HEATR5B: variants seen among roughly 807,000 people sequenced by gnomAD.
HEATR5B encodes HEAT repeat-containing protein 5B.
HEATR5B carries 156 observed loss-of-function variants against 224.1 expected under a neutral mutation model. The ratio of observed to expected loss-of-function variants is 0.70; its 90% CI spans 0.61 to 0.80. The LOEUF is 0.80. Ranked by LOEUF, HEATR5B falls within the 30% of genes least tolerant of loss-of-function variation. The pLI is 0.00. For missense variants in HEATR5B, 2,323 were observed against 2,535.5 expected (o/e 0.92, Z 1.80); for synonymous variants, 1,027 against 893.0 (o/e 1.15, Z -2.68).
intron 35 of HEATR5B, among the ~76,000 whole-genome samples, chr2:36,984,215 A>AAAAAAAAAAAAAAAAATAT: frequency 1.3e-5 from 1 of 77,642 alleles, no homozygotes. Flanking sequence ...AAAAAAAAAA[A>AAAAAAAAAAAAAAAAATAT]ATATATATAT....
rs767455861 is a variant in HEATR5B at position 37,040,409 on chromosome 2, G to A, written c.2966C>T (p.Pro989Leu). ...CTGATGAACTTCTGTATGTGAAGGCGGAACTGTCAACAGCAAGGTAAGAAC... is the reference window on the plus strand; with the variant it reads ...CTGATGAACTTCTGTATGTGAAGGCAGAACTGTCAACAGCAAGGTAAGAAC... ...SLVLTLLLTV[P>L]PSHTEVHQCL... The change falls in exon 20 of 36, where the codon CCG (proline) becomes CTG (leucine). Residue 989 changes from proline (P) to leucine (L), a missense_variant. Transcript: ENST00000233099. 6.8e-6 allele frequency: 11 copies of A among 1,613,908 alleles called. No individual in the cohort carries two copies. The highest frequency in any genetic ancestry group is 2.2e-5 in the South Asian group (2 of 91,042).
intron 29 of HEATR5B, among the ~76,000 whole-genome samples, 157 bp from the exon 30 acceptor site, chr2:37,005,916 G>A (rs1207842221): frequency 6.8e-6 from 1 of 147,082 alleles, no homozygotes; most frequent in Non-Finnish European, 1.5e-5. Flanking sequence ...AAGTTAAACA[G>A]CCAAACTCAA....
chr2:36,982,301 G>A (rs1286324505), intron 35 of HEATR5B, among the ~76,000 whole-genome samples: 2 of 151,976 alleles, frequency 1.3e-5, no homozygotes, highest in Non-Finnish European at 2.9e-5. Flanking sequence ...AAAACTAAGG[G>A]AATACATAAG....
At chr2:37,050,422 C>T (rs1477787877) in intron 17 of HEATR5B, among the ~76,000 whole-genome samples, 3 of 152,130 alleles carry the variant, frequency 2.0e-5, no homozygotes, top group African/African-American at 7.2e-5. Flanking sequence ...TATTCAAAGA[C>T]TAGTACTTAA....
intron 21 of HEATR5B, 122 bp downstream of exon 21, chr2:37,037,733 T>G: frequency 2.0e-6 from 1 of 492,832 alleles, no homozygotes; most frequent in Non-Finnish European, 3.4e-6. Flanking sequence ...ACTGTAGGCT[T>G]GCATCAAAAT....
chr2:37,083,441 A>T lies in HEATR5B; in HGVS notation c.-22-5T>A. ...ACGGAAGTTTGAAATTCACACCTTA[A>T]ATTTAACAGAGTAAAAAATACTTGT... On this transcript the variant is annotated splice_region_variant and splice_polypyrimidine_tract_variant and intron_variant, in intron 1 of 35. Transcript: ENST00000233099. The T allele has an allele frequency of 6.3e-7, 1 of 1,590,486 alleles. No individual in the cohort carries two copies. Among genetic ancestry groups the T allele is most frequent in the South Asian group, 1.1e-5 (1 of 89,482 alleles).
At chr2:37,033,236 G>T (rs1669251706) in intron 21 of HEATR5B, among the ~76,000 whole-genome samples, 1 of 152,010 alleles carries the variant, frequency 6.6e-6, no homozygotes, top group African/African-American at 2.4e-5. Context: ...AACAACCTCA[G>T]TTGTTTAAAA....
At chr2:37,058,089 A>C (rs1671026739) in intron 14 of HEATR5B, among the ~76,000 whole-genome samples, 1 of 152,212 alleles carries the variant, frequency 6.6e-6, no homozygotes, top group South Asian at 2.1e-4. Context: ...GTATTAATCA[A>C]AAGTGCACAC....
intron 35 of HEATR5B, among the ~76,000 whole-genome samples, chr2:36,987,166 C>G (rs890031354): frequency 6.6e-6 from 1 of 152,140 alleles, no homozygotes; most frequent in African/African-American, 2.4e-5. Context: ...CAGCGGCTCA[C>G]GCTTGTAATC....
chr2:37,078,789 T>A (rs1248198700), intron 3 of HEATR5B, among the ~76,000 whole-genome samples: 1 of 152,198 alleles, frequency 6.6e-6, no homozygotes. Flanking sequence ...TCTTCTCAAA[T>A]ATACTACTCC....
chr2:37,074,321 C>CA (rs200217812), intron 5 of HEATR5B, among the ~76,000 whole-genome samples: 569 of 50,092 alleles, frequency 0.011, 1 homozygote, highest in South Asian at 0.019. Context: ...GACTCCATCT[C>CA]AAAAAAAAAA....
intron 35 of HEATR5B, among the ~76,000 whole-genome samples, chr2:36,988,411 C>T (rs1017683560): frequency 2.0e-5 from 3 of 151,806 alleles, no homozygotes; most frequent in East Asian, 1.9e-4. Flanking sequence ...AGCAGGTGTG[C>T]GCCACACACC....
intron 18 of HEATR5B, among the ~76,000 whole-genome samples, chr2:37,045,833 CTTTG>C (rs1362667685): frequency 6.6e-6 from 1 of 152,166 alleles, no homozygotes; most frequent in Admixed American, 6.5e-5. Flanking sequence ...TTAGTGTTCC[CTTTG>C]TTTCTTTCCC....
rs1450353981 is a variant in HEATR5B, at chr2:37,028,890, G to C, written c.3392C>G (p.Ser1131Cys). The change falls in exon 23 of 36, where the codon TCT (serine) becomes TGT (cysteine). Residue 1131 changes from serine to cysteine, a missense_variant. By Grantham distance (112) the Ser-to-Cys change is moderately radical. This residue lies in a region of HEATR5B where 339 missense variants were observed against 378.4 expected (regional missense o/e 0.90). Coordinates refer to ENST00000233099, the MANE Select transcript of HEATR5B (RefSeq NM_019024.3). The part of the protein sequence containing the change: ...NVSPFAPGVS[S>C]RTDIHCRHQG... Reference sequence around the variant, plus strand: ...GTGCCGGCAATGGATATCAGTTCGAGAACTAACCCCAGGGGCAAAAGGACT... The same window carrying C: ...GTGCCGGCAATGGATATCAGTTCGACAACTAACCCCAGGGGCAAAAGGACT... The C allele has an allele frequency of 6.2e-7, 1 of 1,613,932 alleles. No individual in the cohort carries two copies. Among genetic ancestry groups the C allele is most frequent in the Middle Eastern group, 1.7e-4 (1 of 6,060 alleles).
At chr2:37,013,116 C>T (rs138535459) in intron 27 of HEATR5B, among the ~76,000 whole-genome samples, 5 of 152,278 alleles carry the variant, frequency 3.3e-5, no homozygotes, top group East Asian at 3.9e-4. Context: ...CTTAGATTAG[C>T]GGAAAAGCTT....
chr2:37,038,904 G>A (rs938016429), intron 20 of HEATR5B, among the ~76,000 whole-genome samples: 7 of 123,108 alleles, frequency 5.7e-5, no homozygotes, highest in African/African-American at 2.1e-4. Context: ...TGTCTCCCTG[G>A]GGTGGGGGGG....
In HEATR5B at chr2:37,079,160, T is replaced by C; in HGVS notation, c.298A>G (p.Arg100Gly). The change falls in exon 3 of 36, where the codon AGA (arginine) becomes GGA (glycine). Residue 100 changes from arginine (R) to glycine (G), a missense_variant. Around this residue, in one of 12 missense-constraint regions of HEATR5B, gnomAD observed 292 missense variants for 332.6 expected, o/e 0.88. Transcript: ENST00000233099. Reference protein sequence around the residue: ...QTLDKCNDIIRNKDDTAAYLP... With the variant: ...QTLDKCNDIIGNKDDTAAYLP... ...TAGGCCGCAGTGTCATCTTTATTTC[T>C]GATAATGTCATTGCATTTATCAAGT... is the stretch of plus-strand genomic sequence containing the variant. 6.2e-7 allele frequency: 1 copy of C among 1,609,904 alleles called. No homozygotes were observed. The highest frequency in any genetic ancestry group is 8.5e-7 in the Non-Finnish European group (1 of 1,176,960).
At position 37,008,537 on chromosome 2, in the gene HEATR5B, G is replaced by C. The variant is rs765661448; in HGVS notation, c.4522+74C>G. 87 of 1,013,194 alleles carry C rather than the reference G, an allele frequency of 8.6e-5. 1 individual carries two copies. Among genetic ancestry groups the C allele is most frequent in the Non-Finnish European group, 6.3e-5 (40 of 634,540 alleles). The allele number at this position is 1,013,194 out of a possible 1,614,324, so 62.8% of individuals were successfully genotyped here. On this transcript the variant is annotated intron_variant, in intron 28 of 35. Transcript: ENST00000233099. ...GTTACTATAGCAACTGTTGTTGCTA[G>C]TCTATACCGTCTCTATTTTGTTTAA...
At chr2:37,047,035 CAAAAAAAAAAAA>C (rs57343074) in intron 18 of HEATR5B, among the ~76,000 whole-genome samples, 2 of 45,420 alleles carry the variant, frequency 4.4e-5, no homozygotes, top group Admixed American at 2.8e-4. Flanking sequence ...GACTCCACCT[CAAAAAAAAAAAA>C]AAAAAAAAAA....
Sources: gnomAD v4.1 joint callset for allele counts (sites outside exome capture counted in the v4.1 genomes callset) on GRCh38, gnomAD v4.1.1 for gene constraint, gnomAD v4.1.1 regional missense constraint, MANE v1.5 for transcripts, NCBI Gene and HGNC (gene_info 2026-07-23, HGNC 2026-07-21) for gene names.